TENM2: variants seen among roughly 807,000 people sequenced by gnomAD.
TENM2 encodes teneurin-2.
In TENM2, 52 loss-of-function variants were observed where a neutral mutation model predicts 245.2. The ratio of observed to expected loss-of-function variants is 0.21; its 90% confidence interval spans 0.17 to 0.27. TENM2 has a LOEUF of 0.27. Among genes scored for constraint, TENM2 ranks in the 10% least tolerant of loss-of-function variants. The pLI, the probability that TENM2 is intolerant of heterozygous loss-of-function variation, is 1.00. For synonymous variants in TENM2, 1,363 were observed against 1,438.9 expected, an observed-to-expected ratio of 0.95 and a Z score of 1.19; for missense variants, 3,046 against 3,666.8, an observed-to-expected ratio of 0.83 and a Z score of 4.37.
intron 3 of TENM2, among the ~76,000 whole-genome samples, chr5:167,900,783 TG>T (rs949587934): frequency 2.6e-5 from 4 of 151,172 alleles, no homozygotes; most frequent in African/African-American, 9.7e-5. Context: ...TGGCGTGTCC[TG>T]TCTTGATTGA....
At chr5:167,619,078 C>T (rs892718886) in intron 2 of TENM2, among the ~76,000 whole-genome samples, 1 of 152,050 alleles carries the variant, frequency 6.6e-6, no homozygotes, top group African/African-American at 2.4e-5. Flanking sequence ...GGAAACACTG[C>T]CCAGTGTTCT....
At chr5:167,983,812 A>G (rs1028404475) in intron 4 of TENM2, among the ~76,000 whole-genome samples, 3 of 152,208 alleles carry the variant, frequency 2.0e-5, no homozygotes, top group Admixed American at 1.3e-4. Context: ...TTCTCTTCCT[A>G]GGGGACAGTG....
intron 4 of TENM2, among the ~76,000 whole-genome samples, chr5:167,977,483 A>G (rs1402080128): frequency 6.6e-6 from 1 of 152,174 alleles, no homozygotes; most frequent in Non-Finnish European, 1.5e-5. Flanking sequence ...ATGGATCGAT[A>G]GCTTTCCTAG....
chr5:167,130,888 C>CTTT, the TENM2 span, among the ~76,000 whole-genome samples: 304 of 73,304 alleles, frequency 4.1e-3, 2 homozygotes, highest in African/African-American at 0.018. Context: ...GTGTTAAATG[C>CTTT]TTTTTTTTTT....
At chr5:167,909,850 T>G (rs931199709) in intron 3 of TENM2, among the ~76,000 whole-genome samples, 4 of 151,722 alleles carry the variant, frequency 2.6e-5, no homozygotes, top group Non-Finnish European at 5.9e-5. Flanking sequence ...TAAAGTCATG[T>G]GTTTAGGGAG....
intron 2 of TENM2, among the ~76,000 whole-genome samples, chr5:167,638,069 C>A (rs2150237784): frequency 6.7e-6 from 1 of 149,320 alleles, no homozygotes; most frequent in South Asian, 2.1e-4. Flanking sequence ...ATGGTTTGGA[C>A]TATAAAGACA....
rs538529893 is a variant in TENM2 at position 168,106,803 on chromosome 5, G to A, written c.1813+8676G>A. Among the ~76,000 whole-genome samples the A allele has an allele frequency of 7.0e-4, 106 of 152,346 alleles. 1 individual carries two copies. Among genetic ancestry groups the A allele is most frequent in the African/African-American group, 2.5e-3 (103 of 41,586 alleles). Reference sequence around the variant, plus strand: ...TGGCCAGGTGCAGTGGCTCACGCCTGTAATCCCAGCACTCTGGGAGGCCAA... The same window carrying A: ...TGGCCAGGTGCAGTGGCTCACGCCTATAATCCCAGCACTCTGGGAGGCCAA... On this transcript the variant is annotated intron_variant, in intron 9 of 28. Transcript: ENST00000518659.
At chr5:167,036,564 T>C in the TENM2 span, among the ~76,000 whole-genome samples, 3 of 152,208 alleles carry the variant, frequency 2.0e-5, no homozygotes, top group Non-Finnish European at 4.4e-5. Flanking sequence ...ATTATATCAA[T>C]ATTTGTTTTG....
chr5:167,923,278 C>A (rs1030064734), intron 3 of TENM2, among the ~76,000 whole-genome samples: 3 of 151,580 alleles, frequency 2.0e-5, no homozygotes, highest in African/African-American at 7.3e-5. Flanking sequence ...GAGATCGCAC[C>A]ACTGCATTGC....
intron 2 of TENM2, among the ~76,000 whole-genome samples, chr5:167,453,966 C>T (rs1353728497): frequency 6.6e-6 from 1 of 152,172 alleles, no homozygotes; most frequent in African/African-American, 2.4e-5. Context: ...TACTTAGGGA[C>T]ATGGGTAATC....
the TENM2 span, among the ~76,000 whole-genome samples, chr5:166,989,384 T>C: frequency 8.7e-5 from 13 of 149,812 alleles, no homozygotes; most frequent in Admixed American, 2.0e-4. Flanking sequence ...CTCAGCTTCC[T>C]GAGTAGCTGG....
At chr5:168,054,923 G>T (rs1181878607) in intron 6 of TENM2, among the ~76,000 whole-genome samples, 1 of 152,082 alleles carries the variant, frequency 6.6e-6, no homozygotes, top group Non-Finnish European at 1.5e-5. Context: ...TCTTAAGCAC[G>T]TGCTTCTTAG....
the TENM2 span, among the ~76,000 whole-genome samples, chr5:167,144,336 G>A: frequency 6.6e-6 from 1 of 152,150 alleles, no homozygotes; most frequent in African/African-American, 2.4e-5. Flanking sequence ...TCAGAAACGT[G>A]GGGTGCACAC....
At chr5:167,512,584 T>C (rs1770043847) in intron 2 of TENM2, among the ~76,000 whole-genome samples, 1 of 152,198 alleles carries the variant, frequency 6.6e-6, no homozygotes, top group Non-Finnish European at 1.5e-5. Flanking sequence ...GAATAGCATC[T>C]TTTGTATGTT....
the TENM2 span, among the ~76,000 whole-genome samples, chr5:167,215,644 C>G: frequency 6.6e-6 from 1 of 152,088 alleles, no homozygotes; most frequent in Non-Finnish European, 1.5e-5. Context: ...GGGATGTAGT[C>G]CAATGTCTTA....
chr5:168,135,179 C>T (rs1754938552), intron 12 of TENM2, among the ~76,000 whole-genome samples: 1 of 152,182 alleles, frequency 6.6e-6, no homozygotes, highest in Non-Finnish European at 1.5e-5. Context: ...ACCCTCATTC[C>T]TCCCACGCTG....
the TENM2 span, chr5:167,168,207 G>A: frequency 2.0e-5 from 3 of 152,186 alleles, no homozygotes; most frequent in Non-Finnish European, 4.4e-5. Context: ...TGCTTACCTA[G>A]AAGGGCGAAT....
chr5:167,007,946 G>C, the TENM2 span, among the ~76,000 whole-genome samples: 2 of 152,016 alleles, frequency 1.3e-5, no homozygotes, highest in Admixed American at 6.6e-5. This position sits in a 1 kb window ranked among gnomAD's most constrained non-coding sequence, Gnocchi z 4.2. Context: ...ACACTGAATG[G>C]GACCAGAGCC....
chr5:167,677,934 A>G (rs183318741), intron 2 of TENM2, among the ~76,000 whole-genome samples: 46 of 151,960 alleles, frequency 3.0e-4, no homozygotes, highest in African/African-American at 8.7e-4. Flanking sequence ...TCAATAGGCA[A>G]TTGGTTAAAT....
Sources: gnomAD v4.1 joint callset for allele counts (sites outside exome capture counted in the v4.1 genomes callset) on GRCh38, gnomAD v4.1.1 for gene constraint, Gnocchi (gnomAD v3.1) non-coding constraint, MANE v1.5 for transcripts, NCBI Gene and HGNC (gene_info 2026-07-23, HGNC 2026-07-21) for gene names.